Variants in DYNC1I1 observed in about 807,000 individuals in gnomAD.
DYNC1I1 encodes cytoplasmic dynein 1 intermediate chain 1.
In DYNC1I1, 43 loss-of-function variants were observed where a neutral mutation model predicts 86.6. The ratio of observed to expected loss-of-function variants is 0.50; its 90% confidence interval spans 0.39 to 0.64. The LOEUF (loss-of-function observed/expected upper bound fraction) is 0.64, where lower values mean the gene tolerates loss of function less well. DYNC1I1 is among the 30% of genes least tolerant of loss of function. The pLI is 0.00. For missense variants in DYNC1I1, 604 were observed against 788.8 expected (o/e 0.77, Z 2.81); for synonymous variants, 262 against 283.7 (o/e 0.92, Z 0.77).
chr7:95,890,655 T>C (rs1459337919), intron 6 of DYNC1I1, among the ~76,000 whole-genome samples: 2 of 152,232 alleles, frequency 1.3e-5, no homozygotes, highest in Non-Finnish European at 2.9e-5. Context: ...AATTGCCATT[T>C]GGTTAATTTC....
At chr7:96,069,062 C>T (rs1790082809) in intron 14 of DYNC1I1, among the ~76,000 whole-genome samples, 1 of 152,156 alleles carries the variant, frequency 6.6e-6, no homozygotes, top group Non-Finnish European at 1.5e-5. Context: ...CTAGCTGCCT[C>T]TAGGTCCAGT....
At chr7:96,070,567 G>C (rs533888805) in intron 14 of DYNC1I1, among the ~76,000 whole-genome samples, 4 of 152,082 alleles carry the variant, frequency 2.6e-5, no homozygotes, top group Admixed American at 6.6e-5. Context: ...TTTTATTTCA[G>C]AATTTATAAC....
intron 6 of DYNC1I1, among the ~76,000 whole-genome samples, chr7:95,923,486 C>T (rs1001626109): frequency 3.3e-5 from 5 of 151,994 alleles, no homozygotes; most frequent in Admixed American, 6.6e-5. Context: ...GCCATCGATG[C>T]CTTATGAGGT....
At chr7:95,999,901 A>G (rs529989984) in intron 10 of DYNC1I1, among the ~76,000 whole-genome samples, 1 of 152,298 alleles carries the variant, frequency 6.6e-6, no homozygotes, top group African/African-American at 2.4e-5. Context: ...CCCAACCCAG[A>G]TTGTGGTCTG....
intron 8 of DYNC1I1, among the ~76,000 whole-genome samples, chr7:95,986,537 C>T (rs539775774): frequency 2.0e-5 from 3 of 152,250 alleles, no homozygotes; most frequent in Non-Finnish European, 2.9e-5. Context: ...CTGTCTACCA[C>T]GCCTGTCTCA....
rs151309711 is a variant in DYNC1I1, at chr7:96,035,702, C to T, written c.1314C>T (p.Phe438=). ...MAFPTGDVNN[F]VVGSEEGTVY... ...TCCCAACGGGAGACGTCAATAACTT[C>T]GTGGTTGGCAGTGAGGAAGGTACAG... Residue 438 remains phenylalanine, a synonymous_variant, in exon 13 of 17, where the codon TTC becomes TTT. Coordinates refer to ENST00000447467, the MANE Select transcript of DYNC1I1 (RefSeq NM_001135556.2). 17 of 1,611,838 alleles carry T rather than the reference C, an allele frequency of 1.1e-5. No homozygotes were observed. The South Asian group carries it at 1.5e-4, about 15-fold the overall frequency.
intron 12 of DYNC1I1, 46 bp from the exon 13 acceptor site, chr7:96,035,573 G>A (rs373644371): frequency 5.3e-6 from 8 of 1,523,496 alleles, no homozygotes; most frequent in Non-Finnish European, 7.0e-6. Context: ...CTTTGGCATG[G>A]CAAGGAGTTG....
chr7:96,091,561 T>TA lies in DYNC1I1; in HGVS notation c.1777-5915dup, dbSNP rs574476793. 1.2e-4 allele frequency among the ~76,000 whole-genome samples: 19 copies of TA among 152,180 alleles called. No homozygotes were observed. In the South Asian group the frequency reaches 3.3e-3, roughly 27 times the overall value. ...CTAACGTCTTAATTATGCAAGATTT[T>TA]AAAAAAAGAAAACTAAAGTAAGCAA... On this transcript the variant is annotated intron_variant, in intron 16 of 16. Coordinates refer to ENST00000447467, the MANE Select transcript of DYNC1I1 (RefSeq NM_001135556.2).
intron 6 of DYNC1I1, among the ~76,000 whole-genome samples, chr7:95,958,106 T>C (rs1293975636): frequency 6.6e-6 from 1 of 152,162 alleles, no homozygotes; most frequent in Non-Finnish European, 1.5e-5. Flanking sequence ...GAGATACCAG[T>C]AGCAACCACC....
intron 6 of DYNC1I1, among the ~76,000 whole-genome samples, chr7:95,872,171 C>A (rs1790190645): frequency 6.6e-6 from 1 of 152,158 alleles, no homozygotes; most frequent in Admixed American, 6.5e-5. Flanking sequence ...TACCATGCGG[C>A]AGATGTGGGT....
intron 5 of DYNC1I1, among the ~76,000 whole-genome samples, chr7:95,851,462 T>G (rs1481430133): frequency 6.6e-6 from 1 of 152,214 alleles, no homozygotes; most frequent in Non-Finnish European, 1.5e-5. Flanking sequence ...CACAGTTGAC[T>G]GTGGGTAACT....
In DYNC1I1 at chr7:95,785,795, A is replaced by G. The variant is rs1454754595; in HGVS notation, c.-10+13022A>G. Among the ~76,000 whole-genome samples the G allele has an allele frequency of 7.9e-3, 947 of 119,480 alleles. 21 individuals carry two copies. Among genetic ancestry groups the G allele is most frequent in the Admixed American group, 0.013 (165 of 12,874 alleles). The allele number at this position is 119,480 out of a possible 152,430, so 78.4% of individuals were successfully genotyped here. ...TATGTGTATATATATATATATATAT[A>G]TATATATATATATATATATATATTA... is the stretch of plus-strand genomic sequence containing the variant. On this transcript the variant is annotated intron_variant, in intron 1 of 16. Transcript: ENST00000447467.
At chr7:96,002,127 G>A (rs1338030868) in intron 10 of DYNC1I1, among the ~76,000 whole-genome samples, 1 of 152,110 alleles carries the variant, frequency 6.6e-6, no homozygotes, top group African/African-American at 2.4e-5. Context: ...AGCAGTGATA[G>A]GCTGGAGGTG....
chr7:95,782,578 G>A (rs1003582956), intron 1 of DYNC1I1, among the ~76,000 whole-genome samples: 1 of 152,214 alleles, frequency 6.6e-6, no homozygotes, highest in East Asian at 1.9e-4. Flanking sequence ...TGGTAGCATC[G>A]AGGGATGCAT....
chr7:95,862,177 A>C (rs1789900910), intron 5 of DYNC1I1, among the ~76,000 whole-genome samples: 1 of 152,202 alleles, frequency 6.6e-6, no homozygotes. Flanking sequence ...AAGCACAAGC[A>C]ACCAAAGAAA....
At chr7:96,088,804 G>A (rs897652847) in intron 16 of DYNC1I1, among the ~76,000 whole-genome samples, 72 of 152,132 alleles carry the variant, frequency 4.7e-4, no homozygotes, top group Non-Finnish European at 9.1e-4. Flanking sequence ...GAAAAGCGAG[G>A]AAGTGAATGA....
intron 10 of DYNC1I1, among the ~76,000 whole-genome samples, chr7:96,005,307 T>A (rs1235240685): frequency 6.6e-6 from 1 of 152,218 alleles, no homozygotes; most frequent in Non-Finnish European, 1.5e-5. Context: ...TAATAGCAGA[T>A]AAGCAGCTTA....
Position 95,875,616 on chromosome 7 carries a change from G to A in DYNC1I1, c.490+5618G>A, listed in dbSNP as rs115963621. ...CAATTGTAGAGGGAAGAAAGATGAG[G>A]TTTACATGATCTAATGGCCTTGGTG... On this transcript the variant is annotated intron_variant, in intron 6 of 16. Transcript: ENST00000447467. 2.2e-3 allele frequency among the ~76,000 whole-genome samples: 334 copies of A among 152,292 alleles called. 1 individual carries two copies. The highest frequency in any genetic ancestry group is 7.7e-3 in the African/African-American group (321 of 41,562).
At chr7:95,812,551 G>A (rs909326233) in intron 3 of DYNC1I1, among the ~76,000 whole-genome samples, 1 of 152,174 alleles carries the variant, frequency 6.6e-6, no homozygotes, top group African/African-American at 2.4e-5. Flanking sequence ...AGCTGCTGGA[G>A]GCAAGGCAAA....
Sources: allele counts gnomAD v4.1 joint callset (sites outside exome capture counted in the v4.1 genomes callset), GRCh38; gene constraint gnomAD v4.1.1; transcripts MANE v1.5; gene names NCBI Gene and HGNC (gene_info 2026-07-23, HGNC 2026-07-21).